Variants in BCAT1 observed in about 807,000 individuals in gnomAD.
BCAT1 encodes the protein branched chain amino acid transaminase 1.
BCAT1 carries 48 observed loss-of-function variants against 52.4 expected under a neutral mutation model. The ratio of observed to expected loss-of-function variants is 0.92; its 90% confidence interval spans 0.73 to 1.16. The LOEUF is 1.16. Ranked by LOEUF, BCAT1 falls within the 50% of genes most tolerant of loss-of-function variation. The probability of loss-of-function intolerance (pLI) is 0.00; values close to 1 mark genes in which losing one functional copy is unlikely to be tolerated. For missense variants in BCAT1, 451 were observed against 457.1 expected (o/e 0.99, Z 0.12); for synonymous variants, 167 against 161.3 (o/e 1.04, Z -0.27).
intron 1 of BCAT1, among the ~76,000 whole-genome samples, chr12:24,948,431 C>A (rs1211729324): frequency 1.3e-5 from 2 of 152,158 alleles, no homozygotes; most frequent in African/African-American, 4.8e-5. Flanking sequence ...ATAAGAGGGG[C>A]CTTCTGCTTT....
intron 2 of BCAT1, among the ~76,000 whole-genome samples, chr12:24,896,262 A>G (rs1008587761): frequency 6.6e-6 from 1 of 152,200 alleles, no homozygotes; most frequent in African/African-American, 2.4e-5. Flanking sequence ...TTTATCTTTG[A>G]ATCCCTTTTC....
chr12:24,920,669 A>G (rs1943488494), intron 1 of BCAT1, among the ~76,000 whole-genome samples: 1 of 152,154 alleles, frequency 6.6e-6, no homozygotes, highest in African/African-American at 2.4e-5. Flanking sequence ...GGTGTCCTCC[A>G]ATTCAGCTCC....
chr12:24,914,083 C>CT (rs34717106), intron 1 of BCAT1, among the ~76,000 whole-genome samples: 4,614 of 135,672 alleles, frequency 0.034, 220 homozygotes, highest in African/African-American at 0.099. Flanking sequence ...GGTAGATTAT[C>CT]TTTTTTTTTT....
chr12:24,903,337 T>A (rs1943167773), intron 1 of BCAT1: 3 of 256,326 alleles, frequency 1.2e-5, no homozygotes, highest in Non-Finnish European at 2.2e-5. Context: ...TTAAACAACC[T>A]CTAGGTGAAT....
intron 1 of BCAT1, among the ~76,000 whole-genome samples, chr12:24,922,731 G>A (rs1014676873): frequency 6.6e-6 from 1 of 151,962 alleles, no homozygotes; most frequent in Non-Finnish European, 1.5e-5. Flanking sequence ...ATTAGCCGGT[G>A]TGGCAGCGCG....
At chr12:24,888,046 G>A (rs543747080) in intron 3 of BCAT1, among the ~76,000 whole-genome samples, 5 of 152,126 alleles carry the variant, frequency 3.3e-5, no homozygotes, top group Non-Finnish European at 7.4e-5. Flanking sequence ...TAAAAGTCAG[G>A]TTGACATTCA....
chr12:24,850,056 A>G (rs1941461263), intron 5 of BCAT1, 107 bp from the exon 6 acceptor site: 1 of 1,073,802 alleles, frequency 9.3e-7, no homozygotes, highest in South Asian at 2.7e-5. Context: ...ATCGAATTAC[A>G]GGAGCTATTA....
intron 7 of BCAT1, among the ~76,000 whole-genome samples, chr12:24,836,908 G>A (rs1224572011): frequency 0.025 from 1,032 of 40,692 alleles, 15 homozygotes; most frequent in Non-Finnish European, 0.034. Flanking sequence ...AAAAGAAAGA[G>A]AGAAAGAAAG....
chr12:24,946,466 G>A (rs965260076), intron 1 of BCAT1, among the ~76,000 whole-genome samples: 2 of 152,106 alleles, frequency 1.3e-5, no homozygotes, highest in African/African-American at 4.8e-5. Flanking sequence ...GAAAAAAGAG[G>A]CAGTTTCTAA....
chr12:24,928,416 A>G (rs1943626076), intron 1 of BCAT1, among the ~76,000 whole-genome samples: 1 of 152,096 alleles, frequency 6.6e-6, no homozygotes, highest in Non-Finnish European at 1.5e-5. Flanking sequence ...AGGCAGGAGA[A>G]TTGTTTGAGT....
At chr12:24,918,084 G>A (rs1304348642) in intron 1 of BCAT1, among the ~76,000 whole-genome samples, 1 of 152,182 alleles carries the variant, frequency 6.6e-6, no homozygotes, top group African/African-American at 2.4e-5. Flanking sequence ...TGTTCTGTGG[G>A]TTCACCTGTA....
intron 5 of BCAT1, among the ~76,000 whole-genome samples, chr12:24,867,114 G>A (rs189021898): frequency 7.9e-5 from 12 of 151,954 alleles, no homozygotes; most frequent in Admixed American, 1.3e-4. Context: ...AACACTCACC[G>A]CAAAGGTCCG....
In BCAT1 at chr12:24,901,858, ACT is replaced by A. The variant is rs1257401381; in HGVS notation, c.32_33del (p.Glu11ValfsTer15). The stretch of plus-strand genomic sequence containing the variant: ...TCTTTTGATCCTCCTTCTCCGGTAC[ACT>A]CTGCGGAGCATCCGTTACTGCAATC... MKDCSNGCSAECTGEGGSKEV... is the reference protein window; with the variant it reads MKDCSNGCSAXCTGEGGSKEV... On this transcript the variant is annotated frameshift_variant, in exon 2 of 11. Coordinates refer to ENST00000261192, the MANE Select transcript of BCAT1 (RefSeq NM_005504.7). LOFTEE classifies it high-confidence loss of function. 4 of 1,613,858 alleles carry A rather than the reference ACT, an allele frequency of 2.5e-6. No individual in the cohort carries two copies. The highest frequency in any genetic ancestry group is 2.7e-5 in the African/African-American group (2 of 74,922).
chr12:24,936,731 A>T lies in BCAT1; in HGVS notation c.6+12196T>A, dbSNP rs1490000082. Among the ~76,000 whole-genome samples, 535 of 65,598 alleles carry T rather than the reference A, an allele frequency of 8.2e-3. 4 individuals are homozygous for T. Among genetic ancestry groups the T allele is most frequent in the African/African-American group, 0.019 (461 of 23,792 alleles). 43.0% of individuals were successfully genotyped at this position (65,598 alleles called of 152,430 possible). On this transcript the variant is annotated intron_variant, in intron 1 of 10. Coordinates refer to ENST00000261192, the MANE Select transcript of BCAT1 (RefSeq NM_005504.7). Reference sequence around the variant, plus strand: ...ATCTCAATCTCTCTCTCTCACACACACACACACACATACACACACACATAC... The same window carrying T: ...ATCTCAATCTCTCTCTCTCACACACTCACACACACATACACACACACATAC...
chr12:24,918,512 A>G (rs558248987), intron 1 of BCAT1, among the ~76,000 whole-genome samples: 3 of 152,346 alleles, frequency 2.0e-5, no homozygotes, highest in South Asian at 2.1e-4. Flanking sequence ...TGATTTTAAC[A>G]TACCAAATAA....
chr12:24,894,011 A>G (rs180672785), intron 3 of BCAT1, among the ~76,000 whole-genome samples: 1 of 152,288 alleles, frequency 6.6e-6, no homozygotes, highest in Non-Finnish European at 1.5e-5. Context: ...TTAATTGCCA[A>G]TTTTCCCACC....
intron 9 of BCAT1, 115 bp downstream of exon 9, chr12:24,832,608 G>C (rs115733022): frequency 8.0e-7 from 1 of 1,252,934 alleles, no homozygotes; most frequent in Non-Finnish European, 1.1e-6. Flanking sequence ...CAACAACAAC[G>C]ACAAAACTTT....
chr12:24,829,019 GTAAATAAATAAATAAA>G (rs113337097), intron 10 of BCAT1, among the ~76,000 whole-genome samples: 168 of 151,014 alleles, frequency 1.1e-3, no homozygotes, highest in Non-Finnish European at 1.5e-3. Context: ...AAATAAATAA[GTAAATAAATAAATAAA>G]TAAATAAATA....
At chr12:24,847,958 T>C (rs768115783) in intron 6 of BCAT1, among the ~76,000 whole-genome samples, 2 of 152,238 alleles carry the variant, frequency 1.3e-5, no homozygotes, top group Non-Finnish European at 2.9e-5. Flanking sequence ...TAATATTAAA[T>C]GCGGAATATT....
Sources: gnomAD v4.1 joint callset for allele counts (sites outside exome capture counted in the v4.1 genomes callset) on GRCh38, gnomAD v4.1.1 for gene constraint, MANE v1.5 for transcripts, NCBI Gene and HGNC (gene_info 2026-07-23, HGNC 2026-07-21) for gene names.